Variants in NIBAN3 observed in about 807,000 individuals in gnomAD.
NIBAN3 encodes protein Niban 3.
In NIBAN3, 66 loss-of-function variants were observed where a neutral mutation model predicts 76.4. The observed-to-expected ratio is 0.86, with a 90% CI of 0.71 to 1.06. The LOEUF is 1.06. Ranked by LOEUF, NIBAN3 falls within the 50% of genes least tolerant of loss-of-function variation. The probability of loss-of-function intolerance (pLI) is 0.00; values close to 1 mark genes in which losing one functional copy is unlikely to be tolerated. For missense variants in NIBAN3, 808 were observed against 810.7 expected, an observed-to-expected ratio of 1.00 and a Z score of 0.04; for synonymous variants, 360 against 355.2, an observed-to-expected ratio of 1.01 and a Z score of -0.15.
intron 12 of NIBAN3, 138 bp downstream of exon 12, chr19:17,543,769 G>A: frequency 4.6e-6 from 3 of 654,190 alleles, no homozygotes; most frequent in South Asian, 3.8e-5. Flanking sequence ...AAGGCAGGCA[G>A]ATCACAAGGT....
intron 1 of NIBAN3, among the ~76,000 whole-genome samples, chr19:17,528,983 G>A (rs890550987): frequency 6.6e-6 from 1 of 152,184 alleles, no homozygotes; most frequent in Non-Finnish European, 1.5e-5. Flanking sequence ...CAGGGCTGGA[G>A]GGATGTGATG....
intron 13 of NIBAN3, among the ~76,000 whole-genome samples, chr19:17,547,277 C>A (rs2076073609): frequency 6.7e-6 from 1 of 149,110 alleles, no homozygotes; most frequent in Non-Finnish European, 1.5e-5. Context: ...TCGCTTGAAC[C>A]CAGGAGGCGG....
downstream of NIBAN3, chr19:17,553,647 T>G: frequency 8.8e-7 from 1 of 1,135,956 alleles, no homozygotes; most frequent in South Asian, 1.3e-5. Context: ...TTCATAGGCT[T>G]CTTTAGCTGT....
At chr19:17,539,564 C>T in intron 7 of NIBAN3, 39 bp from the exon 8 acceptor site, 1 of 1,488,144 alleles carries the variant, frequency 6.7e-7, no homozygotes, top group Non-Finnish European at 9.0e-7. Flanking sequence ...ATCCCCGCCC[C>T]GTGTCTCGGC....
Position 17,551,804 on chromosome 19 carries a change from A to T in NIBAN3, c.1769A>T (p.Glu590Val). Residue 590 changes from glutamate (E) to valine (V), a missense_variant, in exon 15 of 15, where the codon GAG becomes GTG. Physicochemically the swap from Glu to Val is moderately radical, Grantham distance 121. Coordinates refer to ENST00000599164, the MANE Select transcript of NIBAN3 (RefSeq NM_001321827.2). ...TATACAGATGAGGAAACTGAGGCTG[A>T]GCGGGAAGGAGGGGCTTGTCCCAGG... ...QEGADEETEAEREGGACPRQP... is the reference protein window; with the variant it reads ...QEGADEETEAVREGGACPRQP... 1.3e-6 allele frequency: 1 copy of T among 779,948 alleles called. No individual in the cohort carries two copies. 48.3% of individuals were successfully genotyped at this position (779,948 alleles called of 1,614,324 possible).
chr19:17,555,306 CTT>C (rs1224499755), downstream of NIBAN3, among the ~76,000 whole-genome samples: 1 of 152,130 alleles, frequency 6.6e-6, no homozygotes, highest in Non-Finnish European at 1.5e-5. Context: ...GCTAAGGTCT[CTT>C]GGGTCCCAAA....
chr19:17,540,466 C>G lies in NIBAN3; in HGVS notation c.1054C>G (p.Leu352Val), dbSNP rs774102931. 7 of 1,594,346 alleles carry G rather than the reference C, an allele frequency of 4.4e-6. No homozygotes were observed. Among genetic ancestry groups the G allele is most frequent in the Non-Finnish European group, 4.3e-6 (5 of 1,170,604 alleles). ...DPQLPRVVQT[L>V]LRTVEASLEA... ...GCAGCTGCCCCGGGTCGTGCAGACC[C>G]TGCTGCGCACCGTGGAAGCCTCGCT... Residue 352 changes from leucine to valine, a missense_variant, in exon 9 of 15, where the codon CTG (leucine) becomes GTG (valine). Transcript: ENST00000599164.
upstream of NIBAN3, among the ~76,000 whole-genome samples, chr19:17,525,335 CTTCA>C (rs71336621): frequency 0.11 from 16,598 of 150,912 alleles, 1,089 homozygotes; most frequent in African/African-American, 0.17. Flanking sequence ...CCGTCCCTCC[CTTCA>C]TTCATTCATT....
In NIBAN3 at chr19:17,546,771, G is replaced by T. The variant is rs151074024; in HGVS notation, c.1640G>T (p.Gly547Val). The T allele has an allele frequency of 4.3e-5, 69 of 1,602,576 alleles. No individual in the cohort carries two copies. Among genetic ancestry groups the T allele is most frequent in the Admixed American group, 5.2e-5 (3 of 57,862 alleles). ...GGCATCTATGAGGACGTCATCCGGG[G>T]GTGCTTGCTGCAGAGGATTGACCAA... ...TEGIYEDVIR[G>V]CLLQRIDQEL... The change falls in exon 13 of 15, where the codon GGG becomes GTG. Residue 547 changes from glycine (G) to valine (V), a missense_variant. Physicochemically the swap from Gly to Val is moderately radical, Grantham distance 109. Transcript: ENST00000599164.
At chr19:17,550,625 C>A (rs2076138828) in intron 14 of NIBAN3, among the ~76,000 whole-genome samples, 2 of 151,704 alleles carry the variant, frequency 1.3e-5, no homozygotes, top group Admixed American at 6.6e-5. Flanking sequence ...ATGATTGCAC[C>A]ACTGCCCTCT....
rs534642871 is a variant in NIBAN3, at chr19:17,536,357, A to T, written c.428-1019A>T. Among the ~76,000 whole-genome samples the T allele has an allele frequency of 4.9e-3, 740 of 151,964 alleles. 4 individuals are homozygous for T. Among genetic ancestry groups the T allele is most frequent in the African/African-American group, 0.017 (698 of 41,450 alleles). On this transcript the variant is annotated intron_variant, in intron 4 of 14. Transcript: ENST00000599164. ...AGGCACCTGCCACCACACCCTGTAA[A>T]TTTTGTGTTTTAGTAGAGACGGGGT... is the stretch of plus-strand genomic sequence containing the variant.
intron 1 of NIBAN3, among the ~76,000 whole-genome samples, chr19:17,529,007 G>A (rs2075662099): frequency 6.6e-6 from 1 of 152,188 alleles, no homozygotes; most frequent in African/African-American, 2.4e-5. Flanking sequence ...TTGGAAGGAA[G>A]GAGATACCAG....
At chr19:17,550,366 G>C (rs2076135121) in intron 14 of NIBAN3, among the ~76,000 whole-genome samples, 1 of 152,066 alleles carries the variant, frequency 6.6e-6, no homozygotes, top group African/African-American at 2.4e-5. Flanking sequence ...TAGTTAAACA[G>C]TCCTAGAAAG....
At chr19:17,532,973 A>G (rs1282268266) in intron 3 of NIBAN3, among the ~76,000 whole-genome samples, 2 of 150,566 alleles carry the variant, frequency 1.3e-5, no homozygotes, top group African/African-American at 2.5e-5. Context: ...AGAGAGGAGG[A>G]AAAAAAAAGG....
chr19:17,535,371 A>G (rs1389618160), intron 4 of NIBAN3, among the ~76,000 whole-genome samples: 1 of 152,216 alleles, frequency 6.6e-6, no homozygotes, highest in Admixed American at 6.5e-5. Flanking sequence ...ACTTGAGCCC[A>G]GGAGTTAGGG....
chr19:17,553,441 C>T lies in NIBAN3; in HGVS notation c.*1543C>T, dbSNP rs1405645522. 57 of 1,614,044 alleles carry T rather than the reference C, an allele frequency of 3.5e-5. No individual in the cohort carries two copies. Among genetic ancestry groups the T allele is most frequent in the Non-Finnish European group, 4.6e-5 (54 of 1,180,044 alleles). ...TTCTCTGCTGTCTTGCAGCTGCTTC[C>T]GGAGTGGGTTCCACAGGGATTCCCG... On this transcript the variant is annotated 3_prime_UTR_variant, in exon 15 of 15. Coordinates refer to ENST00000599164, the MANE Select transcript of NIBAN3 (RefSeq NM_001321827.2).
chr19:17,537,055 C>T (rs1322130430), intron 4 of NIBAN3, among the ~76,000 whole-genome samples: 3 of 152,146 alleles, frequency 2.0e-5, no homozygotes, highest in Admixed American at 1.3e-4. Context: ...CACATAAAGC[C>T]GGACGACTCA....
chr19:17,543,781 A>G, intron 12 of NIBAN3, 150 bp downstream of exon 12: 1 of 603,122 alleles, frequency 1.7e-6, no homozygotes, highest in Non-Finnish European at 2.9e-6. Flanking sequence ...TCACAAGGTC[A>G]GGAGTTCGAG....
chr19:17,543,365 C>T lies in NIBAN3; in HGVS notation c.1378C>T (p.Leu460=). ...ATFLQLADQC[L]TTALNCDQAA... ...CTTCCTGCAGCTGGCTGACCAGTGT[C>T]TGACGACGGCCCTCAACTGTGACCA... The change falls in exon 11 of 15, where the codon CTG becomes TTG. Residue 460 remains leucine (L), a synonymous_variant. Coordinates refer to ENST00000599164, the MANE Select transcript of NIBAN3 (RefSeq NM_001321827.2). The T allele has an allele frequency of 1.3e-6, 2 of 1,595,542 alleles. No individual in the cohort carries two copies. Among genetic ancestry groups the T allele is most frequent in the Non-Finnish European group, 1.7e-6 (2 of 1,167,792 alleles).
Sources: allele counts gnomAD v4.1 joint callset (sites outside exome capture counted in the v4.1 genomes callset), GRCh38; gene constraint gnomAD v4.1.1; transcripts MANE v1.5; gene names NCBI Gene and HGNC (gene_info 2026-07-23, HGNC 2026-07-21).